VWA8: variants seen among roughly 807,000 people sequenced by gnomAD.
The protein encoded by VWA8 is von Willebrand factor A domain-containing protein 8.
In VWA8, 221 loss-of-function variants were observed where a neutral mutation model predicts 241.5. That is an observed-to-expected ratio of 0.91 (90% confidence interval 0.82 to 1.02). The LOEUF (loss-of-function observed/expected upper bound fraction) is 1.02. VWA8 is among the 50% of genes least tolerant of loss of function. The pLI is 0.00. For missense variants in VWA8, 2,322 were observed against 2,328.7 expected, an observed-to-expected ratio of 1.00 and a Z score of 0.06; for synonymous variants, 852 against 827.1, an observed-to-expected ratio of 1.03 and a Z score of -0.52.
chr13:41,798,769 A>C (rs1452749579), intron 17 of VWA8, among the ~76,000 whole-genome samples: 1 of 152,076 alleles, frequency 6.6e-6, no homozygotes, highest in African/African-American at 2.4e-5. Context: ...TTCCTATTAG[A>C]CATATGTTGG....
intron 40 of VWA8, among the ~76,000 whole-genome samples, chr13:41,601,515 T>C (rs549553370): frequency 2.0e-5 from 3 of 152,176 alleles, no homozygotes; most frequent in Non-Finnish European, 4.4e-5. Flanking sequence ...AATGAAATTA[T>C]GATTATAGAT....
In VWA8 at chr13:41,736,844, CTTT is replaced by C. The variant is rs5803100; in HGVS notation, c.2427-4692_2427-4690del. ...ATGTTTGCTCGATATTTTTTCTTTT[CTTT>C]TTTTTTTTTTTTTTTTGACAGAGTC... is the stretch of plus-strand genomic sequence containing the variant. On this transcript the variant is annotated intron_variant, in intron 21 of 44. Coordinates refer to ENST00000379310, the MANE Select transcript of VWA8 (RefSeq NM_015058.2). 6.8e-4 allele frequency among the ~76,000 whole-genome samples: 88 copies of C among 128,488 alleles called. 1 individual carries two copies. Among genetic ancestry groups the C allele is most frequent in the African/African-American group, 9.4e-4 (33 of 35,066 alleles). 84.3% of individuals were successfully genotyped at this position (128,488 alleles called of 152,430 possible). A position where few individuals can be genotyped will look rare whatever the true frequency, so the allele number is the denominator to read the frequency against.
chr13:41,868,278 C>A, intron 10 of VWA8, 68 bp downstream of exon 10: 2 of 1,583,892 alleles, frequency 1.3e-6, no homozygotes, highest in Non-Finnish European at 1.7e-6. Context: ...GATCATAAAC[C>A]CAATTTAGGT....
At chr13:41,740,683 T>G (rs975664331) in intron 21 of VWA8, among the ~76,000 whole-genome samples, 7 of 152,178 alleles carry the variant, frequency 4.6e-5, no homozygotes, top group African/African-American at 1.7e-4. Flanking sequence ...CTGGTAGGCA[T>G]TTCAGCAATG....
chr13:41,858,978 G>A (rs901630142), intron 12 of VWA8, among the ~76,000 whole-genome samples: 2 of 152,060 alleles, frequency 1.3e-5, no homozygotes, highest in African/African-American at 2.4e-5. Flanking sequence ...TTAGGAGGCT[G>A]AGGTGGGAGG....
Position 41,568,117 on chromosome 13 carries a change from A to ATATC in VWA8, c.*76_*79dup. The ATATC allele has an allele frequency of 8.1e-7, 1 of 1,233,258 alleles. No homozygotes were observed. The highest frequency in any genetic ancestry group is 1.5e-5 in the African/African-American group (1 of 67,166). The allele number at this position is 1,233,258 out of a possible 1,614,324, so 76.4% of individuals were successfully genotyped here. On this transcript the variant is annotated 3_prime_UTR_variant, in exon 45 of 45. Transcript: ENST00000379310. Reference sequence around the variant, plus strand: ...GTCACTGCATGGGTTCACTTCATCCATATCTTCTTTTTTTCAGAATACTCT... The same window carrying ATATC: ...GTCACTGCATGGGTTCACTTCATCCATATCTATCTTCTTTTTTTCAGAATACTCT...
At chr13:41,667,543 C>T (rs1371913654) in intron 37 of VWA8, among the ~76,000 whole-genome samples, 2 of 152,136 alleles carry the variant, frequency 1.3e-5, no homozygotes, top group East Asian at 3.8e-4. Flanking sequence ...ATCCTACCAG[C>T]AATATACAGA....
Position 41,728,527 on chromosome 13 carries a change from A to T in VWA8, c.2638+1015T>A, listed in dbSNP as rs184742690. On this transcript the variant is annotated intron_variant, in intron 23 of 44. Transcript: ENST00000379310. ...CAGGAGATAATTATTTCTTAACTAC[A>T]ACTGTGTTTCAGCAATTCTTTCTTC... Among the ~76,000 whole-genome samples the T allele has an allele frequency of 2.9e-4, 44 of 152,148 alleles. No homozygotes were observed. The East Asian group carries it at 6.6e-3, about 23-fold the overall frequency.
chr13:41,792,098 T>C (rs1869485410), intron 17 of VWA8, among the ~76,000 whole-genome samples: 1 of 151,974 alleles, frequency 6.6e-6, no homozygotes, highest in African/African-American at 2.4e-5. Context: ...TTAATGAGGC[T>C]GAGCATGTTT....
rs1316363383 is a variant in VWA8 at position 41,615,082 on chromosome 13, T to C, written c.4614A>G (p.Ile1538Met). The C allele has an allele frequency of 6.2e-7, 1 of 1,613,918 alleles. No homozygotes were observed. Among genetic ancestry groups the C allele is most frequent in the Non-Finnish European group, 8.5e-7 (1 of 1,179,908 alleles). Residue 1538 changes from isoleucine (I) to methionine (M), a missense_variant and splice_region_variant, in exon 38 of 45, where the codon ATA (isoleucine) becomes ATG (methionine). Ile to Met is a conservative substitution (Grantham distance 10). Transcript: ENST00000379310. ...CTTCACCACTGTCTCTGTTGATTGT[T>C]ATCTAAAAATGAACAATTGAGACAT... ...MIGQDDRNMQ[I>M]TINRDSGEDV...
At chr13:41,752,729 A>G (rs1348043598) in intron 21 of VWA8, among the ~76,000 whole-genome samples, 1 of 152,198 alleles carries the variant, frequency 6.6e-6, no homozygotes, top group Non-Finnish European at 1.5e-5. Flanking sequence ...CTAAATGTTT[A>G]GGTATCTAAA....
intron 21 of VWA8, among the ~76,000 whole-genome samples, chr13:41,739,176 G>C (rs891833502): frequency 6.6e-6 from 1 of 152,014 alleles, no homozygotes; most frequent in Non-Finnish European, 1.5e-5. Context: ...CTATACTTAA[G>C]GGAACTTATC....
rs1245840635 is a variant in VWA8, at chr13:41,611,667, C to A, written c.4786G>T (p.Val1596Leu). ...GPYRLDAGHT[V>L]YQVSQAEKDA... ...TTCTCAGCCTGAGAGACCTGGTACA[C>A]CGTATGGCCTGCATCCAGCCGGTAA... Residue 1596 changes from valine (V) to leucine (L), a missense_variant, in exon 39 of 45, where the codon GTG becomes TTG. Physicochemically the swap from Val to Leu is conservative, Grantham distance 32 (BLOSUM62 1). Transcript: ENST00000379310. 5 of 1,614,132 alleles carry A rather than the reference C, an allele frequency of 3.1e-6. No individual in the cohort carries two copies. Among genetic ancestry groups the A allele is most frequent in the Non-Finnish European group, 4.2e-6 (5 of 1,179,982 alleles).
chr13:41,900,421 GA>G (rs1392522043), intron 4 of VWA8, among the ~76,000 whole-genome samples: 4 of 151,982 alleles, frequency 2.6e-5, no homozygotes, highest in African/African-American at 9.7e-5. Context: ...ATAGAATTCA[GA>G]AAAAAATGCA....
intron 14 of VWA8, among the ~76,000 whole-genome samples, chr13:41,822,920 A>G (rs895001654): frequency 1.7e-4 from 26 of 152,152 alleles, no homozygotes; most frequent in Admixed American, 2.6e-4. Flanking sequence ...TATAATGACC[A>G]GAAGCAGAAC....
intron 12 of VWA8, among the ~76,000 whole-genome samples, chr13:41,851,660 T>C (rs1177869237): frequency 1.3e-5 from 2 of 152,180 alleles, no homozygotes; most frequent in African/African-American, 4.8e-5. Context: ...ACCATGATTC[T>C]GAGACCTCCC....
At chr13:41,952,038 C>A (rs543836880) in intron 1 of VWA8, among the ~76,000 whole-genome samples, 2 of 152,278 alleles carry the variant, frequency 1.3e-5, no homozygotes, top group Admixed American at 1.3e-4. Flanking sequence ...CTCCATAACC[C>A]GTGCACCGCT....
chr13:41,810,428 C>T (rs1282241821), intron 17 of VWA8, among the ~76,000 whole-genome samples: 1 of 152,088 alleles, frequency 6.6e-6, no homozygotes, highest in Admixed American at 6.6e-5. Flanking sequence ...CAATAGAGTA[C>T]TGTTCAGCCA....
chr13:41,797,628 A>G (rs1427498776), intron 17 of VWA8, among the ~76,000 whole-genome samples: 1 of 152,180 alleles, frequency 6.6e-6, no homozygotes, highest in Non-Finnish European at 1.5e-5. Flanking sequence ...TCTTAGGTAT[A>G]AATGGCTAAG....
Sources: allele counts gnomAD v4.1 joint callset (sites outside exome capture counted in the v4.1 genomes callset), GRCh38; gene constraint gnomAD v4.1.1; transcripts MANE v1.5; gene names NCBI Gene and HGNC (gene_info 2026-07-23, HGNC 2026-07-21).